The following SPIN3 variants were observed in gnomAD, a reference collection of about 807,000 sequenced individuals.
SPIN3 encodes spindlin family member 3.
For synonymous variants in SPIN3, 74 were observed against 74.3 expected (o/e 1.00, Z 0.02); for missense variants, 176 against 196.4 (o/e 0.90, Z 0.62).
intron 3 of SPIN3, chrX:56,982,549 G>C (rs1311664797): frequency 9.0e-6 from 1 of 110,524 alleles, no homozygotes; most frequent in African/African-American, 3.3e-5. Context: ...AAATACCCAG[G>C]GCCAGCATTG....
chrX:56,979,081 G>A (rs1468813540), intron 3 of SPIN3: 2 of 111,849 alleles, frequency 1.8e-5, no homozygotes, highest in African/African-American at 3.2e-5. Flanking sequence ...AGATTACAGT[G>A]TTAGATTAAA....
At chrX:56,976,729 G>T (rs1036650741) in exon 6 of SPIN3, 1 of 111,769 alleles carries the variant, frequency 8.9e-6, no homozygotes, top group Non-Finnish European at 1.9e-5. Context: ...GGGAAAAGAA[G>T]ACTTTATCAT....
downstream of SPIN3, among the ~76,000 whole-genome samples, chrX:56,987,793 T>A (rs1296516679): frequency 8.9e-6 from 1 of 112,073 alleles, no homozygotes; most frequent in African/African-American, 3.2e-5. Flanking sequence ...AAAGAATTAT[T>A]TAAATAATTT....
rs1441382397 is a variant in SPIN3 at position 56,991,253 on chromosome X, C to T, written c.*2918G>A. The stretch of plus-strand genomic sequence containing the variant: ...GGCTTGGACCTGAGGCTGAAATGAA[C>T]TTCTATCATAAGTCTAACGACTTTG... On this transcript the variant is annotated 3_prime_UTR_variant, in exon 2 of 2. Coordinates refer to ENST00000374919, the MANE Select transcript of SPIN3 (RefSeq NM_001010862.3). The T allele has an allele frequency of 8.9e-6, 1 of 111,840 alleles. No homozygotes were observed. Among genetic ancestry groups the T allele is most frequent in the Non-Finnish European group, 1.9e-5 (1 of 53,198 alleles). 9.2% of individuals were successfully genotyped at this position (111,840 alleles called of 1,213,427 possible).
chrX:56,983,469 G>A (rs1924160520), intron 3 of SPIN3, among the ~76,000 whole-genome samples: 1 of 112,142 alleles, frequency 8.9e-6, no homozygotes, highest in Non-Finnish European at 1.9e-5. Flanking sequence ...TTAAGAAACA[G>A]TCACAATCTC....
intron 3 of SPIN3, among the ~76,000 whole-genome samples, chrX:56,983,964 TTTTA>T (rs1924171308): frequency 8.9e-6 from 1 of 112,027 alleles, no homozygotes; most frequent in Non-Finnish European, 1.9e-5. Flanking sequence ...GACTTCCTTC[TTTTA>T]TTTTAGTTTT....
At chrX:56,990,066 T>C (rs1206653746), downstream of SPIN3, among the ~76,000 whole-genome samples, 1 of 108,458 alleles carries the variant, frequency 9.2e-6, no homozygotes, top group African/African-American at 3.3e-5. Context: ...ATGGAACACC[T>C]GACCTTGCTA....
chrX:56,995,117 C>CT, intron 1 of SPIN3, 99 bp downstream of exon 1: 5 of 489,754 alleles, frequency 1.0e-5, no homozygotes, highest in Non-Finnish European at 1.6e-5. Context: ...GGCTGAGTGC[C>CT]TGCAGTAACC....
At position 56,992,566 on chromosome X, in the gene SPIN3, A is replaced by C. The variant is rs1924371610; in HGVS notation, c.*1605T>G. 1 of 295,442 alleles carries C rather than the reference A, an allele frequency of 3.4e-6. No individual in the cohort carries two copies. The highest frequency in any genetic ancestry group is 6.2e-5 in the Admixed American group (1 of 16,203). The allele number at this position is 295,442 out of a possible 1,213,427, so 24.3% of individuals were successfully genotyped here. ...AATCTGTGCCGGTAGTCTGGACTCC[A>C]TGACCTGTGAACTTAAACTAATTTG... On this transcript the variant is annotated 3_prime_UTR_variant, in exon 2 of 2. Transcript: ENST00000374919.
chrX:56,994,196 A>G lies in SPIN3; in HGVS notation c.752T>C (p.Val251Ala). 8.3e-7 allele frequency: 1 copy of G among 1,205,942 alleles called. No individual in the cohort carries two copies. The highest frequency in any genetic ancestry group is 1.7e-5 in the African/African-American group (1 of 57,665). ...IKFDDDFHIY[V>A]YDLVKTS is the part of the protein sequence containing the mutation. Reference sequence around the variant, plus strand: ...CTAAGATGTTTTTACCAAATCGTAGACATAGATATGGAAATCATCATCAAA... The same window carrying G: ...CTAAGATGTTTTTACCAAATCGTAGGCATAGATATGGAAATCATCATCAAA... Residue 251 changes from valine (V) to alanine (A), a missense_variant, in exon 2 of 2, where the codon GTC (valine) becomes GCC (alanine). Val to Ala is a moderately conservative substitution (Grantham distance 64, BLOSUM62 0). Transcript: ENST00000374919.
At chrX:56,989,304 G>T (rs1187989888), downstream of SPIN3, among the ~76,000 whole-genome samples, 1 of 111,260 alleles carries the variant, frequency 9.0e-6, no homozygotes, top group Non-Finnish European at 1.9e-5. Flanking sequence ...CTCCTTTGGG[G>T]ACATGAATTT....
At position 56,991,586 on chromosome X, in the gene SPIN3, A is replaced by C. The variant is rs1924338767; in HGVS notation, c.*2585T>G. 1.8e-5 allele frequency: 2 copies of C among 112,390 alleles called. No individual in the cohort carries two copies. The highest frequency in any genetic ancestry group is 9.2e-3 in the Middle Eastern group (2 of 217). 9.3% of individuals were successfully genotyped at this position (112,390 alleles called of 1,213,427 possible). A position where few individuals can be genotyped will look rare whatever the true frequency, so the allele number is the denominator to read the frequency against. ...TGGAGAGAGGAAGAGGATAGATCCC[A>C]TCATACCCTTGTACATTTTCATTCT... On this transcript the variant is annotated 3_prime_UTR_variant, in exon 2 of 2. Transcript: ENST00000374919.
chrX:56,981,084 G>A (rs2146829360), intron 3 of SPIN3, among the ~76,000 whole-genome samples: 1 of 110,062 alleles, frequency 9.1e-6, no homozygotes, highest in Non-Finnish European at 1.9e-5. Context: ...ATTCAGGACT[G>A]GCACAATGGC....
Position 56,995,201 on chromosome X carries a change from T to A in SPIN3, c.-3+15A>T, listed in dbSNP as rs1378607179. The A allele has an allele frequency of 9.0e-6, 3 of 331,575 alleles. No individual in the cohort carries two copies. Among genetic ancestry groups the A allele is most frequent in the Admixed American group, 1.1e-4 (2 of 18,596 alleles). The allele number at this position is 331,575 out of a possible 1,213,427, so 27.3% of individuals were successfully genotyped here. A position where few individuals can be genotyped will look rare whatever the true frequency, so the allele number is the denominator to read the frequency against. On this transcript the variant is annotated intron_variant, in intron 1 of 1. Coordinates refer to ENST00000374919, the MANE Select transcript of SPIN3 (RefSeq NM_001010862.3). ...AAGCGTTTCCCCATTCCCCTCGCCC[T>A]GCTTCCAACACTACCCGGCCAGGAG...
rs756482558 is a variant in SPIN3 at position 56,993,367 on chromosome X, G to C, written c.*804C>G. The C allele has an allele frequency of 1.1e-4, 12 of 111,554 alleles. No individual in the cohort carries two copies. The highest frequency in any genetic ancestry group is 2.1e-4 in the Non-Finnish European group (11 of 53,151). 9.2% of individuals were successfully genotyped at this position (111,554 alleles called of 1,213,427 possible). A position where few individuals can be genotyped will look rare whatever the true frequency, so the allele number is the denominator to read the frequency against. On this transcript the variant is annotated 3_prime_UTR_variant, in exon 2 of 2. Coordinates refer to ENST00000374919, the MANE Select transcript of SPIN3 (RefSeq NM_001010862.3). Reference sequence around the variant, plus strand: ...GCAAAGACCATTTGTGCTAAAGTCTGCCTGCACAGCTTCTATCAGTTAAAA... The same window carrying C: ...GCAAAGACCATTTGTGCTAAAGTCTCCCTGCACAGCTTCTATCAGTTAAAA...
In SPIN3 at chrX:56,990,938, TACAC is replaced by T. The variant is rs1924321068; in HGVS notation, c.*3229_*3232del. ...GTGTAAAAAAAAAAAAAAAACCTGA[TACAC>T]ACATACCCACACACAATATGCTTGT... On this transcript the variant is annotated 3_prime_UTR_variant, in exon 2 of 2. Transcript: ENST00000374919. 9.3e-6 allele frequency: 1 copy of T among 107,502 alleles called. No homozygotes were observed. The highest frequency in any genetic ancestry group is 2.9e-4 in the East Asian group (1 of 3,421). 8.9% of individuals were successfully genotyped at this position (107,502 alleles called of 1,213,427 possible).
In SPIN3 at chrX:56,994,610, C is replaced by G; in HGVS notation, c.338G>C (p.Arg113Thr). 3.3e-6 allele frequency: 4 copies of G among 1,211,678 alleles called. No homozygotes were observed. Among genetic ancestry groups the G allele is most frequent in the Non-Finnish European group, 4.5e-6 (4 of 895,495 alleles). Residue 113 changes from arginine (R) to threonine (T), a missense_variant, in exon 2 of 2, where the codon AGA becomes ACA. Arg to Thr is a moderately conservative substitution (Grantham distance 71). Transcript: ENST00000374919. ...RVSSLEVLPNRVASSRISDTH... is the reference protein window; with the variant it reads ...RVSSLEVLPNTVASSRISDTH... ...ATCACTGATTCTAGATGATGCAACT[C>G]TATTAGGAAGGACTTCAAGTGATGA...
downstream of SPIN3, among the ~76,000 whole-genome samples, chrX:56,988,436 C>T (rs761962597): frequency 1.2e-3 from 130 of 111,029 alleles, no homozygotes; most frequent in Non-Finnish European, 1.9e-3. Flanking sequence ...AACCTAATTT[C>T]CTAGATCAGT....
At chrX:56,983,408 A>G (rs1053175933) in intron 3 of SPIN3, among the ~76,000 whole-genome samples, 1 of 112,002 alleles carries the variant, frequency 8.9e-6, no homozygotes, top group African/African-American at 3.2e-5. Context: ...ATCCCCAGCC[A>G]TCCCACTACT....
Sources: gnomAD v4.1 joint callset for allele counts (sites outside exome capture counted in the v4.1 genomes callset) on GRCh38, gnomAD v4.1.1 for gene constraint, MANE v1.5 for transcripts, NCBI Gene and HGNC (gene_info 2026-07-23, HGNC 2026-07-21) for gene names.